Variants in MYO16 observed in about 807,000 individuals in gnomAD.
The protein encoded by MYO16 is unconventional myosin-XVI.
MYO16 carries 94 observed loss-of-function variants against 205.3 expected under a neutral mutation model. The ratio of observed to expected loss-of-function variants is 0.46; its 90% CI spans 0.39 to 0.54. MYO16 has a LOEUF of 0.54. Among genes scored for constraint, MYO16 ranks in the 20% least tolerant of loss-of-function variants. The pLI is 0.00. For missense variants in MYO16, 2,315 were observed against 2,387.5 expected, an observed-to-expected ratio of 0.97 and a Z score of 0.63; for synonymous variants, 988 against 954.0, an observed-to-expected ratio of 1.04 and a Z score of -0.66.
the MYO16 span, among the ~76,000 whole-genome samples, chr13:108,582,951 C>G: frequency 6.6e-6 from 1 of 151,990 alleles, no homozygotes; most frequent in African/African-American, 2.4e-5. Flanking sequence ...TTTAAAGTCA[C>G]AAAATTGTAA....
chr13:108,923,322 G>C (rs1373946847), intron 16 of MYO16, among the ~76,000 whole-genome samples: 1 of 152,210 alleles, frequency 6.6e-6, no homozygotes, highest in Non-Finnish European at 1.5e-5. Flanking sequence ...AGAGAAGGGA[G>C]CAATTACAGG....
chr13:108,691,375 A>T (rs1192213238), intron 2 of MYO16, among the ~76,000 whole-genome samples: 1 of 151,946 alleles, frequency 6.6e-6, no homozygotes, highest in Admixed American at 6.6e-5. Flanking sequence ...TCCTGTAGAT[A>T]AATTAGAGGT....
intron 9 of MYO16, among the ~76,000 whole-genome samples, chr13:108,839,295 C>T (rs1242384134): frequency 1.3e-5 from 2 of 152,186 alleles, no homozygotes; most frequent in South Asian, 2.1e-4. Flanking sequence ...ATTACCTAAT[C>T]GCCTCCTAAA....
intron 4 of MYO16, 41 bp from the exon 5 acceptor site, chr13:108,785,594 A>G (rs780887928): frequency 8.1e-7 from 1 of 1,236,946 alleles, no homozygotes; most frequent in Admixed American, 2.3e-5. Flanking sequence ...CTTTTAATTT[A>G]AACAGTATAT....
intron 16 of MYO16, among the ~76,000 whole-genome samples, chr13:108,944,809 T>C (rs924807851): frequency 2.0e-5 from 3 of 152,194 alleles, no homozygotes; most frequent in African/African-American, 7.2e-5. Flanking sequence ...ATAACACTTT[T>C]ATTAGTATTT....
intron 27 of MYO16, among the ~76,000 whole-genome samples, chr13:109,077,853 A>G (rs545547081): frequency 6.6e-6 from 1 of 152,092 alleles, no homozygotes; most frequent in Non-Finnish European, 1.5e-5. Flanking sequence ...AAATTTTTCA[A>G]ATATTTTTTC....
At chr13:108,584,389 T>C in the MYO16 span, among the ~76,000 whole-genome samples, 2 of 152,234 alleles carry the variant, frequency 1.3e-5, no homozygotes, top group African/African-American at 2.4e-5. Flanking sequence ...ATGGAGTACA[T>C]GTGATGTTTT....
the MYO16 span, among the ~76,000 whole-genome samples, chr13:108,507,895 A>AT: frequency 2.4e-4 from 36 of 150,244 alleles, no homozygotes; most frequent in South Asian, 4.2e-4. Context: ...CAAATTCAGC[A>AT]TTTTTTTTTC....
At chr13:108,543,601 C>G in the MYO16 span, among the ~76,000 whole-genome samples, 2 of 145,410 alleles carry the variant, frequency 1.4e-5, no homozygotes, top group South Asian at 2.2e-4. Context: ...GAGATTGTGC[C>G]ACTGCACTCC....
At chr13:108,910,908 G>A (rs1881225599) in intron 16 of MYO16, among the ~76,000 whole-genome samples, 1 of 152,062 alleles carries the variant, frequency 6.6e-6, no homozygotes, top group African/African-American at 2.4e-5. Flanking sequence ...CATGTGGATT[G>A]ACTTCAGATA....
At chr13:109,128,026 G>T (rs1430985059) in intron 31 of MYO16, among the ~76,000 whole-genome samples, 1 of 152,172 alleles carries the variant, frequency 6.6e-6, no homozygotes, top group Non-Finnish European at 1.5e-5. Flanking sequence ...AAAAGTTTCT[G>T]CATCCATTGT....
At chr13:108,644,593 T>A (rs1171036483) in intron 1 of MYO16, among the ~76,000 whole-genome samples, 2 of 152,218 alleles carry the variant, frequency 1.3e-5, no homozygotes, top group Non-Finnish European at 2.9e-5. Flanking sequence ...AAATTCTTAA[T>A]GAACTCAAGC....
intron 29 of MYO16, among the ~76,000 whole-genome samples, chr13:109,123,540 G>C (rs9587778): frequency 1.3e-5 from 2 of 151,776 alleles, no homozygotes; most frequent in Non-Finnish European, 2.9e-5. Flanking sequence ...TGGTTCATAC[G>C]TCTCCACTTT....
Position 109,008,793 on chromosome 13 carries a change from T to C in MYO16, c.2443-104T>C, listed in dbSNP as rs532900917. 7.0e-3 allele frequency: 4,120 copies of C among 590,740 alleles called. 38 individuals are homozygous for C. Among genetic ancestry groups the C allele is most frequent in the Non-Finnish European group, 8.8e-3 (2,962 of 337,540 alleles). 36.6% of individuals were successfully genotyped at this position (590,740 alleles called of 1,614,324 possible). A position where few individuals can be genotyped will look rare whatever the true frequency, so the allele number is the denominator to read the frequency against. The stretch of plus-strand genomic sequence containing the variant: ...GCACTACTGTACTATCTATCTTGTG[T>C]ATGCACTACTGTACTATCTTGTGTA... On this transcript the variant is annotated intron_variant, in intron 21 of 34. Coordinates refer to ENST00000457511, the MANE Select transcript of MYO16 (RefSeq NM_001198950.3).
At chr13:108,497,512 T>C in the MYO16 span, among the ~76,000 whole-genome samples, 2,154 of 152,320 alleles carry the variant, frequency 0.014, 44 homozygotes, top group African/African-American at 0.048. Flanking sequence ...CCAGGGACTA[T>C]ACTACTTGCT....
chr13:109,155,084 T>C (rs577239326), intron 32 of MYO16, among the ~76,000 whole-genome samples: 25 of 152,322 alleles, frequency 1.6e-4, no homozygotes, highest in Admixed American at 2.6e-4. Context: ...TTTTGGGTAC[T>C]GAAAACCTTA....
At chr13:108,986,006 A>G (rs1052998208) in intron 20 of MYO16, among the ~76,000 whole-genome samples, 1 of 152,222 alleles carries the variant, frequency 6.6e-6, no homozygotes, top group African/African-American at 2.4e-5. Flanking sequence ...CCTCACAATC[A>G]TGGCAGAAGG....
intron 20 of MYO16, among the ~76,000 whole-genome samples, chr13:108,982,406 TA>T (rs1884476034): frequency 6.6e-6 from 1 of 151,694 alleles, no homozygotes. Flanking sequence ...AAAACCCAAA[TA>T]AAAAATAAAA....
upstream of MYO16, among the ~76,000 whole-genome samples, chr13:108,595,666 C>T (rs771716153): frequency 6.6e-6 from 1 of 152,074 alleles, no homozygotes; most frequent in Non-Finnish European, 1.5e-5. Flanking sequence ...AAGGACTTGG[C>T]CCTAAGCAGC....
Sources: gnomAD v4.1 joint callset for allele counts (sites outside exome capture counted in the v4.1 genomes callset) on GRCh38, gnomAD v4.1.1 for gene constraint, MANE v1.5 for transcripts, NCBI Gene and HGNC (gene_info 2026-07-23, HGNC 2026-07-21) for gene names.